The following CNKSR2 variants were observed in gnomAD, a reference collection of about 807,000 sequenced individuals.
CNKSR2 encodes connector enhancer of kinase suppressor of Ras 2, also known as CNK homolog protein 2.
Under a neutral mutation model 84.4 loss-of-function variants are expected in CNKSR2, and 14 were observed. The observed-to-expected ratio is 0.17, with a 90% CI of 0.11 to 0.26. The LOEUF is 0.26. Among genes scored for constraint, CNKSR2 ranks in the 10% least tolerant of loss-of-function variants. CNKSR2 has a pLI of 1.00. For missense variants in CNKSR2, 485 were observed against 771.2 expected (o/e 0.63, Z 4.40); for synonymous variants, 275 against 277.9 (o/e 0.99, Z 0.10).
At chrX:21,471,144 T>A (rs2091192945) in intron 5 of CNKSR2, among the ~76,000 whole-genome samples, 2 of 112,099 alleles carry the variant, frequency 1.8e-5, no homozygotes, top group African/African-American at 6.5e-5. Context: ...TATTCTGTTC[T>A]ATAATGGGTA....
chrX:21,519,884 AT>A (rs2091765638), intron 9 of CNKSR2, among the ~76,000 whole-genome samples: 1 of 111,139 alleles, frequency 9.0e-6, no homozygotes, highest in Non-Finnish European at 1.9e-5. Context: ...AGGAATAATG[AT>A]TTTTTAAACT....
intron 1 of CNKSR2, among the ~76,000 whole-genome samples, chrX:21,422,920 A>C: frequency 9.1e-6 from 1 of 109,871 alleles, no homozygotes; most frequent in Non-Finnish European, 1.9e-5. Context: ...TTATCTAATG[A>C]ATGTTTTAAA....
intron 1 of CNKSR2, among the ~76,000 whole-genome samples, chrX:21,398,784 A>G (rs981765907): frequency 8.9e-5 from 10 of 111,986 alleles, no homozygotes; most frequent in Non-Finnish European, 1.3e-4. Flanking sequence ...ACTGAAATCT[A>G]TGACTTTATA....
chrX:21,625,200 T>C (rs2092618032), intron 20 of CNKSR2, among the ~76,000 whole-genome samples: 1 of 112,585 alleles, frequency 8.9e-6, no homozygotes, highest in South Asian at 3.6e-4. Flanking sequence ...TTGGTGACTC[T>C]TTTTCTGTTA....
rs757319321 is a variant in CNKSR2, at chrX:21,541,584, T to A, written c.1303+9517T>A. Reference sequence around the variant, plus strand: ...TTTGTTATAACAATGAGGAAGAAGATGGTTTTGTAATCTGTGGTTTCACTT... The same window carrying A: ...TTTGTTATAACAATGAGGAAGAAGAAGGTTTTGTAATCTGTGGTTTCACTT... On this transcript the variant is annotated intron_variant, in intron 11 of 21. Transcript: ENST00000379510. Among the ~76,000 whole-genome samples, 8 of 111,799 alleles carry A rather than the reference T, an allele frequency of 7.2e-5. No individual in the cohort carries two copies. The South Asian group carries it at 3.0e-3, about 42-fold the overall frequency.
intron 1 of CNKSR2, among the ~76,000 whole-genome samples, chrX:21,379,199 T>C (rs1336365540): frequency 8.9e-6 from 1 of 112,972 alleles, no homozygotes; most frequent in African/African-American, 3.2e-5. Flanking sequence ...ACAGGTACAA[T>C]ACTCTTTAGT....
Position 21,393,074 on chromosome X carries a change from T to G in CNKSR2, c.64+18113T>G, listed in dbSNP as rs143493715. On this transcript the variant is annotated intron_variant, in intron 1 of 21. Transcript: ENST00000379510. ...TACTTCTTTTCTTTCCACAAAAAATTGAAATGTTATAATTGTCACAATTTC... is the reference window on the plus strand; with the variant it reads ...TACTTCTTTTCTTTCCACAAAAAATGGAAATGTTATAATTGTCACAATTTC... Among the ~76,000 whole-genome samples, 22 of 112,310 alleles carry G rather than the reference T, an allele frequency of 2.0e-4. No homozygotes were observed. In the East Asian group the frequency reaches 4.7e-3, roughly 24 times the overall value.
intron 1 of CNKSR2, among the ~76,000 whole-genome samples, chrX:21,404,789 CAAAAAAAAAA>C (rs59192713): frequency 3.3e-5 from 1 of 30,084 alleles, no homozygotes; most frequent in Non-Finnish European, 6.1e-5. Flanking sequence ...AACTCTGTCT[CAAAAAAAAAA>C]AAAAAAAAAA....
At chrX:21,501,983 A>G (rs1427636019) in intron 8 of CNKSR2, among the ~76,000 whole-genome samples, 1 of 109,146 alleles carries the variant, frequency 9.2e-6, no homozygotes, top group Non-Finnish European at 1.9e-5. Flanking sequence ...TTATAACAGC[A>G]TACATCCATT....
At chrX:21,490,789 G>A in intron 6 of CNKSR2, 1 of 264,660 alleles carries the variant, frequency 3.8e-6, no homozygotes, top group African/African-American at 2.8e-5. Context: ...AATTGAAAAT[G>A]GTGACTTCTG....
At chrX:21,401,221 T>C (rs772847090) in intron 1 of CNKSR2, among the ~76,000 whole-genome samples, 1 of 111,187 alleles carries the variant, frequency 9.0e-6, no homozygotes, top group Non-Finnish European at 1.9e-5. Flanking sequence ...GGAGGTTGGA[T>C]AGTCCACTAT....
At chrX:21,527,666 A>G (rs1327633459) in intron 10 of CNKSR2, among the ~76,000 whole-genome samples, 1 of 111,047 alleles carries the variant, frequency 9.0e-6, no homozygotes, top group Admixed American at 9.6e-5. Context: ...GTCATAATGC[A>G]TTCTTCCTAA....
At chrX:21,462,714 A>ATT (rs765249371) in intron 4 of CNKSR2, among the ~76,000 whole-genome samples, 144 of 92,129 alleles carry the variant, frequency 1.6e-3, no homozygotes, top group African/African-American at 4.4e-3. Context: ...TATACCCAGT[A>ATT]TTTTTTTTTT....
intron 20 of CNKSR2, among the ~76,000 whole-genome samples, chrX:21,629,825 GTATT>G (rs952461412): frequency 2.7e-5 from 3 of 112,162 alleles, no homozygotes; most frequent in African/African-American, 9.7e-5. Context: ...TATATTAACA[GTATT>G]TATGTATTAC....
intron 20 of CNKSR2, among the ~76,000 whole-genome samples, chrX:21,610,968 C>T (rs915143905): frequency 9.0e-6 from 1 of 111,643 alleles, no homozygotes; most frequent in African/African-American, 3.3e-5. Flanking sequence ...TGGCAGTTTC[C>T]ATGTGAAGTA....
At chrX:21,409,957 T>C (rs2090319807) in intron 1 of CNKSR2, among the ~76,000 whole-genome samples, 2 of 111,361 alleles carry the variant, frequency 1.8e-5, no homozygotes, top group African/African-American at 3.3e-5. Flanking sequence ...GGTATCATTA[T>C]ATATTTTCTA....
intron 1 of CNKSR2, among the ~76,000 whole-genome samples, chrX:21,389,694 A>T (rs1189146520): frequency 8.9e-6 from 1 of 112,205 alleles, no homozygotes; most frequent in East Asian, 2.8e-4. Flanking sequence ...ATAACCCAGT[A>T]CTACTCATAA....
intron 1 of CNKSR2, among the ~76,000 whole-genome samples, chrX:21,403,430 G>A (rs1451838676): frequency 9.0e-6 from 1 of 111,581 alleles, no homozygotes; most frequent in African/African-American, 3.3e-5. Flanking sequence ...GAACTTTAGT[G>A]TCAATTAGTC....
intron 1 of CNKSR2, among the ~76,000 whole-genome samples, chrX:21,415,152 A>T (rs971159732): frequency 1.1e-4 from 12 of 111,558 alleles, no homozygotes; most frequent in African/African-American, 3.9e-4. Context: ...TAATATGGAC[A>T]TTTTAAAAAA....
Sources: gnomAD v4.1 joint callset for allele counts (sites outside exome capture counted in the v4.1 genomes callset) on GRCh38, gnomAD v4.1.1 for gene constraint, MANE v1.5 for transcripts, NCBI Gene and HGNC (gene_info 2026-07-23, HGNC 2026-07-21) for gene names.